Variants in MYO10 observed in about 807,000 individuals in gnomAD.
The protein encoded by MYO10 is unconventional myosin-X.
Under a neutral mutation model 257.3 loss-of-function variants are expected in MYO10, and 133 were observed. That is an observed-to-expected ratio of 0.52 (90% CI 0.45 to 0.60). The LOEUF is 0.60. Among genes scored for constraint, MYO10 ranks in the 20% least tolerant of loss-of-function variants. The pLI, the probability that MYO10 is intolerant of heterozygous loss-of-function variation, is 0.00. For missense variants in MYO10, 2,399 were observed against 2,635.7 expected (o/e 0.91, Z 1.97); for synonymous variants, 1,104 against 1,028.6 (o/e 1.07, Z -1.40).
intron 17 of MYO10, among the ~76,000 whole-genome samples, chr5:16,760,415 T>C (rs572420265): frequency 5.3e-5 from 8 of 149,676 alleles, no homozygotes; most frequent in East Asian, 2.0e-4. Flanking sequence ...GAGCCGAGAT[T>C]GCGCCACTGC....
chr5:16,907,132 A>C (rs1160614408), intron 1 of MYO10, among the ~76,000 whole-genome samples: 8 of 152,112 alleles, frequency 5.3e-5, no homozygotes, highest in Non-Finnish European at 8.8e-5. Flanking sequence ...GAAAAGAAAG[A>C]AAGAAAGAAA....
At chr5:16,774,721 A>T (rs1178703585) in intron 9 of MYO10, among the ~76,000 whole-genome samples, 1 of 152,056 alleles carries the variant, frequency 6.6e-6, no homozygotes, top group Non-Finnish European at 1.5e-5. Context: ...GTGCCCGGCC[A>T]ATGTTATGTT....
At chr5:16,704,731 C>A (rs755398121) in intron 21 of MYO10, 46 bp from the exon 22 acceptor site, 8 of 1,471,962 alleles carry the variant, frequency 5.4e-6, no homozygotes, top group Non-Finnish European at 6.6e-6. Flanking sequence ...ACATGGCCAG[C>A]AGAAGGAAGG....
At chr5:16,728,517 G>GA (rs775102536) in intron 19 of MYO10, among the ~76,000 whole-genome samples, 183 of 135,148 alleles carry the variant, frequency 1.4e-3, no homozygotes, top group East Asian at 2.4e-3. Flanking sequence ...TTTCAACACT[G>GA]AAAAAAAAAA....
At chr5:16,915,765 G>A (rs1745797189) in intron 1 of MYO10, among the ~76,000 whole-genome samples, 1 of 152,138 alleles carries the variant, frequency 6.6e-6, no homozygotes, top group African/African-American at 2.4e-5. Context: ...AGACCAGCCT[G>A]GCCAACATGG....
chr5:16,895,330 G>A (rs1339176686), intron 1 of MYO10, among the ~76,000 whole-genome samples: 1 of 152,200 alleles, frequency 6.6e-6, no homozygotes, highest in Non-Finnish European at 1.5e-5. Flanking sequence ...AATGGAGAAT[G>A]GGCCGAGCCC....
intron 1 of MYO10, among the ~76,000 whole-genome samples, chr5:16,923,253 G>T (rs1208035604): frequency 1.3e-5 from 2 of 151,566 alleles, no homozygotes; most frequent in Non-Finnish European, 2.9e-5. Flanking sequence ...TATATACATT[G>T]TCAGAGATGT....
chr5:16,762,592 G>C lies in MYO10; in HGVS notation c.1540C>G (p.Gln514Glu), dbSNP rs77063013. The C allele has an allele frequency of 1.2e-6, 2 of 1,608,640 alleles. No homozygotes were observed. Among genetic ancestry groups the C allele is most frequent in the East Asian group, 4.5e-5 (2 of 44,734 alleles). The change falls in exon 15 of 41, where the codon CAA becomes GAA. Residue 514 changes from glutamine to glutamate, a missense_variant. Gln to Glu is a conservative substitution (Grantham distance 29). This residue lies in a region of MYO10 where 337 missense variants were observed against 446.8 expected (regional missense o/e 0.75). Coordinates refer to ENST00000513610, the MANE Select transcript of MYO10 (RefSeq NM_012334.3). The stretch of plus-strand genomic sequence containing the variant: ...TCCAATAAGGTGCTGTCTGTGGCTT[G>C]AGGAAAATGGCTTTCTTCATTGATA... ...ALINEESHFP[Q>E]ATDSTLLEKL...
chr5:16,871,427 C>A (rs1580097620), intron 2 of MYO10, among the ~76,000 whole-genome samples: 1 of 152,250 alleles, frequency 6.6e-6, no homozygotes, highest in East Asian at 1.9e-4. Context: ...CCAGTCTGAA[C>A]AACATGGCAA....
chr5:16,860,758 G>A (rs1352878232), intron 2 of MYO10, among the ~76,000 whole-genome samples: 1 of 152,080 alleles, frequency 6.6e-6, no homozygotes, highest in African/African-American at 2.4e-5. Flanking sequence ...AACGATGGGT[G>A]GGTGGAGGGG....
At chr5:16,933,779 G>T (rs1330409418) in intron 1 of MYO10, among the ~76,000 whole-genome samples, 3 of 152,158 alleles carry the variant, frequency 2.0e-5, no homozygotes, top group Non-Finnish European at 4.4e-5. Flanking sequence ...CTCTCTGACT[G>T]GCCCTGCTTC....
chr5:16,918,024 T>C (rs887946026), intron 1 of MYO10, among the ~76,000 whole-genome samples: 35 of 152,236 alleles, frequency 2.3e-4, no homozygotes, highest in Admixed American at 2.2e-3. Flanking sequence ...ATAAAAAATA[T>C]TAGCAGCTGC....
intron 34 of MYO10, 43 bp downstream of exon 34, chr5:16,675,988 G>T: frequency 1.3e-6 from 2 of 1,570,314 alleles, no homozygotes; most frequent in Non-Finnish European, 8.6e-7. Flanking sequence ...AGGGCAAGTG[G>T]AATCATGGTC....
intron 1 of MYO10, among the ~76,000 whole-genome samples, chr5:16,934,187 C>T (rs1746371573): frequency 6.6e-6 from 1 of 152,230 alleles, no homozygotes; most frequent in African/African-American, 2.4e-5. Context: ...AACAGGAGAT[C>T]AGGACGCTGT....
chr5:16,879,178 C>T (rs75989182), intron 1 of MYO10, among the ~76,000 whole-genome samples: 2,855 of 152,268 alleles, frequency 0.019, 84 homozygotes, highest in African/African-American at 0.062. Flanking sequence ...TATCACTTGA[C>T]ATAGCACTTG....
intron 2 of MYO10, among the ~76,000 whole-genome samples, chr5:16,823,467 G>GGTTTTTTTTTTT (rs1561003861): frequency 7.5e-4 from 3 of 3,986 alleles, no homozygotes; most frequent in African/African-American, 9.8e-4. Flanking sequence ...GGGGAGTGGG[G>GGTTTTTTTTTTT]ATTTTTTTTT....
At position 16,701,469 on chromosome 5, in the gene MYO10, A is replaced by C. The variant is rs778735957; in HGVS notation, c.2926T>G (p.Cys976Gly). 1.9e-6 allele frequency: 3 copies of C among 1,613,868 alleles called. No homozygotes were observed. Among genetic ancestry groups the C allele is most frequent in the Non-Finnish European group, 2.5e-6 (3 of 1,179,876 alleles). The change falls in exon 25 of 41, where the codon TGC (cysteine) becomes GGC (glycine). Residue 976 changes from cysteine (C) to glycine (G), a missense_variant. Around this residue, in one of 3 missense-constraint regions of MYO10, gnomAD observed 1,820 missense variants for 1,939.4 expected, o/e 0.94. Coordinates refer to ENST00000513610, the MANE Select transcript of MYO10 (RefSeq NM_012334.3). The surrounding 1 kb of genome is among the most constrained non-coding windows in gnomAD (Gnocchi z 8.1). ...AAGTTGAAGTTGGGCTTCTCCTCGCATGCGCTCTCAGCCAGCTCGCTGGAA... is the reference window on the plus strand; with the variant it reads ...AAGTTGAAGTTGGGCTTCTCCTCGCCTGCGCTCTCAGCCAGCTCGCTGGAA... ...EFSSELAESA[C>G]EEKPNFNFSQ...
At chr5:16,872,174 C>T (rs1307169616) in intron 2 of MYO10, among the ~76,000 whole-genome samples, 3 of 152,148 alleles carry the variant, frequency 2.0e-5, no homozygotes, top group Admixed American at 6.6e-5. Context: ...GCAGTGGCAC[C>T]CAGAGACTGG....
At chr5:16,697,100 T>C (rs909377656) in intron 26 of MYO10, among the ~76,000 whole-genome samples, 8 of 152,180 alleles carry the variant, frequency 5.3e-5, no homozygotes, top group Non-Finnish European at 1.2e-4. Flanking sequence ...TCACCCTTGA[T>C]GTTTTTCATT....
Sources: allele counts gnomAD v4.1 joint callset (sites outside exome capture counted in the v4.1 genomes callset), GRCh38; gene constraint gnomAD v4.1.1; regional missense constraint gnomAD v4.1.1; non-coding constraint Gnocchi (gnomAD v3.1); transcripts MANE v1.5; gene names NCBI Gene and HGNC (gene_info 2026-07-23, HGNC 2026-07-21).